FAM120B: variants seen among roughly 807,000 people sequenced by gnomAD.
FAM120B encodes constitutive coactivator of peroxisome proliferator-activated receptor gamma.
FAM120B carries 83 observed loss-of-function variants against 96.3 expected under a neutral mutation model. That is an observed-to-expected ratio of 0.86 (90% CI 0.72 to 1.03). The LOEUF (loss-of-function observed/expected upper bound fraction) is 1.03, where lower values mean the gene tolerates loss of function less well. FAM120B is among the 50% of genes least tolerant of loss of function. FAM120B has a pLI of 0.00. For missense variants in FAM120B, 1,027 were observed against 1,121.2 expected, an observed-to-expected ratio of 0.92 and a Z score of 1.20; for synonymous variants, 407 against 402.7, an observed-to-expected ratio of 1.01 and a Z score of -0.13.
chr6:170,359,915 A>C (rs1788229263), intron 6 of FAM120B, among the ~76,000 whole-genome samples: 1 of 152,100 alleles, frequency 6.6e-6, no homozygotes, highest in Non-Finnish European at 1.5e-5. Flanking sequence ...ATTTTAAGTT[A>C]TCAGTAGGTT....
At chr6:170,355,449 A>T (rs1271302017) in intron 5 of FAM120B, among the ~76,000 whole-genome samples, 1 of 152,204 alleles carries the variant, frequency 6.6e-6, no homozygotes, top group Non-Finnish European at 1.5e-5. Context: ...CATTATCCTC[A>T]GCAAACAAAC....
intron 6 of FAM120B, among the ~76,000 whole-genome samples, chr6:170,375,735 C>CAG (rs1015560747): frequency 1.1e-4 from 17 of 152,226 alleles, no homozygotes; most frequent in African/African-American, 4.1e-4. Context: ...AAAGTAAGTA[C>CAG]AGCGGGCGAG....
At chr6:170,336,122 C>T (rs925489092) in intron 4 of FAM120B, among the ~76,000 whole-genome samples, 7 of 152,104 alleles carry the variant, frequency 4.6e-5, no homozygotes, top group African/African-American at 1.7e-4. Flanking sequence ...AGTCTTTGCC[C>T]ATGCCTATGT....
chr6:170,297,928 TCA>T (rs1784054934), intron 1 of FAM120B: 1 of 152,248 alleles, frequency 6.6e-6, no homozygotes, highest in Non-Finnish European at 1.5e-5. Context: ...TAAATACCGG[TCA>T]ATAGGCCACA....
intron 1 of FAM120B, among the ~76,000 whole-genome samples, chr6:170,301,412 C>A (rs979561357): frequency 2.6e-5 from 4 of 152,258 alleles, no homozygotes; most frequent in Non-Finnish European, 4.4e-5. Context: ...TCCTAGGCCT[C>A]TAGGCCTGTA....
chr6:170,302,845 C>T (rs983084392), upstream of FAM120B, among the ~76,000 whole-genome samples: 4 of 152,236 alleles, frequency 2.6e-5, no homozygotes, highest in East Asian at 3.8e-4. Context: ...GATAATCCTA[C>T]GTAACTCTTC....
chr6:170,400,426 G>T (rs944853282), intron 9 of FAM120B, among the ~76,000 whole-genome samples: 4 of 152,140 alleles, frequency 2.6e-5, no homozygotes, highest in Admixed American at 1.3e-4. Flanking sequence ...AGAGTCACAG[G>T]CTTTTCTTTA....
At chr6:170,399,699 C>T (rs892073809) in intron 9 of FAM120B, among the ~76,000 whole-genome samples, 20 of 144,350 alleles carry the variant, frequency 1.4e-4, no homozygotes, top group African/African-American at 5.0e-4. Flanking sequence ...TATGTCATAA[C>T]TCTTAGAAGT....
At chr6:170,335,220 C>T (rs112662473) in intron 4 of FAM120B, among the ~76,000 whole-genome samples, 297 of 151,944 alleles carry the variant, frequency 2.0e-3, no homozygotes, top group African/African-American at 6.4e-3. Flanking sequence ...CCCCAACCCC[C>T]CAACAGGACC....
intron 9 of FAM120B, among the ~76,000 whole-genome samples, chr6:170,399,578 T>G (rs1778423811): frequency 6.6e-6 from 1 of 150,634 alleles, no homozygotes; most frequent in South Asian, 2.1e-4. Flanking sequence ...TAGAACTATG[T>G]CATAACCCTT....
At chr6:170,388,196 TCTGAGCAGAGTAACTTTGCAGAG>T in intron 6 of FAM120B, 68 bp from the exon 7 acceptor site, 1 of 1,098,920 alleles carries the variant, frequency 9.1e-7, no homozygotes, top group East Asian at 2.5e-5. Context: ...GAGCATCCGT[TCTGAGCAGAGTAACTTTGCAGAG>T]CTGAGATCTG....
In FAM120B at chr6:170,295,554, A is replaced by AGGTGGGCGAC. The variant is rs1041713343; in HGVS notation, c.48+108_48+117dup. 8.5e-6 allele frequency: 5 copies of AGGTGGGCGAC among 587,900 alleles called. No individual in the cohort carries two copies. Among genetic ancestry groups the AGGTGGGCGAC allele is most frequent in the Non-Finnish European group, 1.5e-5 (5 of 336,160 alleles). 36.4% of individuals were successfully genotyped at this position (587,900 alleles called of 1,614,324 possible). A position where few individuals can be genotyped will look rare whatever the true frequency, so the allele number is the denominator to read the frequency against. ...CCCCGGCGCGGGCAGCTCTGCGCGA[A>AGGTGGGCGAC]GGTGGGCGACGGTGGGGGCACAAGA... On this transcript the variant is annotated intron_variant, in intron 1 of 10. Transcript: ENST00000537664. This position sits in a 1 kb window ranked among gnomAD's most constrained non-coding sequence, Gnocchi z 7.8.
chr6:170,364,723 A>C (rs1459312009), intron 6 of FAM120B, among the ~76,000 whole-genome samples: 1 of 152,200 alleles, frequency 6.6e-6, no homozygotes, highest in Admixed American at 6.5e-5. Flanking sequence ...TGGGACAGGG[A>C]TGCCTGGGGG....
intron 2 of FAM120B, among the ~76,000 whole-genome samples, chr6:170,321,444 G>T (rs1403079149): frequency 6.6e-6 from 1 of 152,164 alleles, no homozygotes; most frequent in Non-Finnish European, 1.5e-5. Flanking sequence ...AGGTTGCAGT[G>T]CAGTGGCACT....
intron 9 of FAM120B, among the ~76,000 whole-genome samples, chr6:170,397,933 T>A (rs770269978): frequency 9.9e-5 from 15 of 152,232 alleles, no homozygotes; most frequent in Non-Finnish European, 2.2e-4. Flanking sequence ...TCATGTCCCC[T>A]ACTCCTAGCC....
chr6:170,380,339 C>G (rs888745092), intron 6 of FAM120B, among the ~76,000 whole-genome samples: 2 of 152,154 alleles, frequency 1.3e-5, no homozygotes, highest in Admixed American at 6.5e-5. Flanking sequence ...CATCAACATA[C>G]TGATTTCAGT....
upstream of FAM120B, among the ~76,000 whole-genome samples, chr6:170,305,611 A>T (rs1784254027): frequency 6.6e-6 from 1 of 152,234 alleles, no homozygotes; most frequent in Non-Finnish European, 1.5e-5. Context: ...CCTTGCTGAG[A>T]CATACTGTGT....
upstream of FAM120B, among the ~76,000 whole-genome samples, chr6:170,305,045 C>T (rs148180225): frequency 9.5e-4 from 144 of 152,180 alleles, no homozygotes; most frequent in African/African-American, 3.3e-3. Context: ...GGCAAGAGAG[C>T]TCTCTGGCCT....
intron 6 of FAM120B, among the ~76,000 whole-genome samples, chr6:170,379,880 C>T (rs902815377): frequency 1.1e-4 from 16 of 152,166 alleles, no homozygotes; most frequent in Non-Finnish European, 1.6e-4. Context: ...CTAAAGTCTA[C>T]CCTCTAGGCA....
Sources: allele counts gnomAD v4.1 joint callset (sites outside exome capture counted in the v4.1 genomes callset), GRCh38; gene constraint gnomAD v4.1.1; non-coding constraint Gnocchi (gnomAD v3.1); transcripts MANE v1.5; gene names NCBI Gene and HGNC (gene_info 2026-07-23, HGNC 2026-07-21).